Variants in PLEKHA5 observed in about 807,000 individuals in gnomAD.
PLEKHA5 encodes the protein pleckstrin homology domain-containing family A member 5.
PLEKHA5 carries 55 observed loss-of-function variants against 181.9 expected under a neutral mutation model. That is an observed-to-expected ratio of 0.30 (90% CI 0.24 to 0.38). The LOEUF (loss-of-function observed/expected upper bound fraction) is 0.38. Ranked by LOEUF, PLEKHA5 falls within the 10% of genes least tolerant of loss-of-function variation. The pLI, the probability that PLEKHA5 is intolerant of heterozygous loss-of-function variation, is 1.00. For synonymous variants in PLEKHA5, 535 were observed against 529.4 expected (o/e 1.01, Z -0.15); for missense variants, 1,432 against 1,549.5 (o/e 0.92, Z 1.27).
intron 26 of PLEKHA5, among the ~76,000 whole-genome samples, chr12:19,355,344 C>CTTTTT (rs756942658): frequency 1.3e-4 from 12 of 93,986 alleles, no homozygotes; most frequent in African/African-American, 2.4e-4. Context: ...TATGGCTAGT[C>CTTTTT]TTTTTTTTTT....
At chr12:19,344,997 C>G (rs2094212791) in intron 22 of PLEKHA5, among the ~76,000 whole-genome samples, 1 of 151,564 alleles carries the variant, frequency 6.6e-6, no homozygotes, top group Non-Finnish European at 1.5e-5. Flanking sequence ...TGGTACGCAC[C>G]TGTGGTCCCA....
At chr12:19,279,000 T>A (rs529645177) in intron 11 of PLEKHA5, among the ~76,000 whole-genome samples, 1 of 152,242 alleles carries the variant, frequency 6.6e-6, no homozygotes, top group South Asian at 2.1e-4. Flanking sequence ...AAATACAAAA[T>A]AAGGCATAGA....
At chr12:19,365,101 G>A (rs1228513893) in intron 29 of PLEKHA5, among the ~76,000 whole-genome samples, 1 of 152,122 alleles carries the variant, frequency 6.6e-6, no homozygotes. Flanking sequence ...GCCAGGCGCA[G>A]TAGGTCACGC....
At chr12:19,299,516 G>C (rs529818024) in intron 15 of PLEKHA5, among the ~76,000 whole-genome samples, 2 of 152,094 alleles carry the variant, frequency 1.3e-5, no homozygotes, top group African/African-American at 4.8e-5. Context: ...AATATTCCTG[G>C]TCTCACATCT....
At chr12:19,304,915 C>T (rs1160210803) in intron 15 of PLEKHA5, among the ~76,000 whole-genome samples, 1 of 151,736 alleles carries the variant, frequency 6.6e-6, no homozygotes. Flanking sequence ...GCCAACATGG[C>T]GAAACCCCTT....
chr12:19,214,879 TAAA>T (rs34944576), intron 3 of PLEKHA5, among the ~76,000 whole-genome samples: 1 of 148,774 alleles, frequency 6.7e-6, no homozygotes, highest in East Asian at 2.0e-4. Context: ...TTTCTTTCCT[TAAA>T]AAAAAAAAAA....
At chr12:19,211,768 G>T (rs1406243643) in intron 3 of PLEKHA5, among the ~76,000 whole-genome samples, 1 of 152,168 alleles carries the variant, frequency 6.6e-6, no homozygotes, top group African/African-American at 2.4e-5. Flanking sequence ...AGCAGAGGAG[G>T]TTGGTTTTAT....
At chr12:19,253,768 C>T (rs1450237723) in intron 3 of PLEKHA5, among the ~76,000 whole-genome samples, 172 bp from the exon 4 acceptor site, 2 of 151,726 alleles carry the variant, frequency 1.3e-5, no homozygotes, top group Non-Finnish European at 2.9e-5. Context: ...TGTAGTAAGC[C>T]GAGAATGCGC....
intron 3 of PLEKHA5, among the ~76,000 whole-genome samples, chr12:19,228,202 C>T (rs184085792): frequency 1.3e-5 from 2 of 152,320 alleles, no homozygotes; most frequent in Admixed American, 1.3e-4. Context: ...ACCCTTGTCT[C>T]TTTAGTAGCT....
intron 23 of PLEKHA5, 151 bp from the exon 24 acceptor site, chr12:19,346,843 T>A (rs932209415): frequency 2.1e-6 from 1 of 483,572 alleles, no homozygotes; most frequent in African/African-American, 2.0e-5. Flanking sequence ...AAAAAATTTT[T>A]GATTTTACTT....
chr12:19,223,661 T>C (rs1330817090), intron 3 of PLEKHA5, among the ~76,000 whole-genome samples: 1 of 152,206 alleles, frequency 6.6e-6, no homozygotes, highest in Non-Finnish European at 1.5e-5. Context: ...AAAATGGTCA[T>C]TTAAACTGTT....
chr12:19,266,132 T>G (rs2070278220), intron 8 of PLEKHA5, among the ~76,000 whole-genome samples: 1 of 152,110 alleles, frequency 6.6e-6, no homozygotes, highest in Non-Finnish European at 1.5e-5. Context: ...ATTATGGATG[T>G]CCTGGTGATT....
At chr12:19,215,099 C>T (rs1180145205) in intron 3 of PLEKHA5, among the ~76,000 whole-genome samples, 3 of 152,122 alleles carry the variant, frequency 2.0e-5, no homozygotes, top group East Asian at 3.9e-4. Context: ...ATCACTTGAA[C>T]CTGAGAGGCA....
At chr12:19,194,606 T>C (rs2052171602) in intron 3 of PLEKHA5, among the ~76,000 whole-genome samples, 1 of 152,170 alleles carries the variant, frequency 6.6e-6, no homozygotes, top group Non-Finnish European at 1.5e-5. Flanking sequence ...GAAATGCCCC[T>C]CATTAGTATC....
At chr12:19,309,682 T>C (rs1592434071) in intron 15 of PLEKHA5, among the ~76,000 whole-genome samples, 2 of 151,782 alleles carry the variant, frequency 1.3e-5, no homozygotes, top group Non-Finnish European at 1.5e-5. Context: ...GAGGTGGAGG[T>C]TGCAGTGAGC....
rs142074490 is a variant in PLEKHA5 at position 19,136,335 on chromosome 12, A to G, written c.227+3885A>G. ...TTGAGTTTGATTATTGAATTTTCATATTGTTTTTATAACTTAATTTATGCT... is the reference window on the plus strand; with the variant it reads ...TTGAGTTTGATTATTGAATTTTCATGTTGTTTTTATAACTTAATTTATGCT... On this transcript the variant is annotated intron_variant, in intron 3 of 31. Transcript: ENST00000429027. 4.1e-4 allele frequency among the ~76,000 whole-genome samples: 63 copies of G among 152,286 alleles called. No individual in the cohort carries two copies. The East Asian group carries it at 0.012, about 28-fold the overall frequency.
In PLEKHA5 at chr12:19,265,781, A is replaced by C; in HGVS notation, c.642A>C (p.Ile214=). ...AAGAAGAGGGTATCCTGGGAAGCAT[A>C]CTGTTACCTAGTTTTCAGATAGCTT... ...DEKEEGILGS[I]LLPSFQIALL... is the part of the protein sequence containing the mutation. The change falls in exon 8 of 32, where the codon ATA becomes ATC. Residue 214 remains isoleucine, a synonymous_variant. Coordinates refer to ENST00000429027, the MANE Select transcript of PLEKHA5 (RefSeq NM_001256470.2). 6.3e-7 allele frequency: 1 copy of C among 1,594,478 alleles called. No individual in the cohort carries two copies. The highest frequency in any genetic ancestry group is 8.6e-7 in the Non-Finnish European group (1 of 1,163,260).
intron 3 of PLEKHA5, among the ~76,000 whole-genome samples, chr12:19,242,192 A>C (rs573143205): frequency 6.6e-6 from 1 of 152,134 alleles, no homozygotes; most frequent in South Asian, 2.1e-4. Context: ...AAATTGCTTT[A>C]AATTCATTAA....
chr12:19,263,229 A>G (rs767345568), intron 7 of PLEKHA5, among the ~76,000 whole-genome samples: 2 of 152,038 alleles, frequency 1.3e-5, no homozygotes, highest in Admixed American at 6.6e-5. Context: ...AGTTATATAG[A>G]TGCTCTATTT....
Sources: gnomAD v4.1 joint callset for allele counts (sites outside exome capture counted in the v4.1 genomes callset) on GRCh38, gnomAD v4.1.1 for gene constraint, MANE v1.5 for transcripts, NCBI Gene and HGNC (gene_info 2026-07-23, HGNC 2026-07-21) for gene names.